The following UBAC2 variants were observed in gnomAD, a reference collection of about 807,000 sequenced individuals.
The protein encoded by UBAC2 is ubiquitin-associated domain-containing protein 2.
UBAC2 carries 26 observed loss-of-function variants against 44.0 expected under a neutral mutation model. The observed-to-expected ratio is 0.59, with a 90% CI of 0.43 to 0.82. UBAC2 has a LOEUF of 0.82. Ranked by LOEUF, UBAC2 falls within the 40% of genes least tolerant of loss-of-function variation. The pLI, the probability that UBAC2 is intolerant of heterozygous loss-of-function variation, is 0.00. For synonymous variants in UBAC2, 155 were observed against 154.3 expected (o/e 1.00, Z -0.04); for missense variants, 329 against 419.4 (o/e 0.78, Z 1.88).
intron 1 of UBAC2, among the ~76,000 whole-genome samples, chr13:99,204,274 G>A (rs1261177318): frequency 6.6e-6 from 1 of 152,194 alleles, no homozygotes. Flanking sequence ...TGGTTGTGGG[G>A]AGGCACAGTT....
Position 99,210,713 on chromosome 13 carries a change from G to A in UBAC2, c.31+9774G>A, listed in dbSNP as rs539398010. On this transcript the variant is annotated intron_variant, in intron 1 of 8. Coordinates refer to ENST00000403766, the MANE Select transcript of UBAC2 (RefSeq NM_001144072.2). ...GCTGGTCTCAAACTCCCGACCTCTG[G>A]TGATCTGCCTGCCTTGGCCTCCTAA... Among the ~76,000 whole-genome samples the A allele has an allele frequency of 9.2e-5, 14 of 152,206 alleles. No individual in the cohort carries two copies. In the South Asian group the frequency reaches 2.9e-3, roughly 32 times the overall value.
At chr13:99,217,065 G>A (rs1376139785) in intron 1 of UBAC2, among the ~76,000 whole-genome samples, 1 of 151,958 alleles carries the variant, frequency 6.6e-6, no homozygotes, top group Non-Finnish European at 1.5e-5. Context: ...ACCTGACCTT[G>A]GGTGATCTGC....
At chr13:99,259,045 C>T (rs2043617254) in intron 4 of UBAC2, among the ~76,000 whole-genome samples, 1 of 152,094 alleles carries the variant, frequency 6.6e-6, no homozygotes, top group Non-Finnish European at 1.5e-5. Flanking sequence ...AAAATTTCTG[C>T]AAATCTTAGC....
chr13:99,293,571 T>G (rs751824336), intron 4 of UBAC2, among the ~76,000 whole-genome samples: 1 of 152,158 alleles, frequency 6.6e-6, no homozygotes, highest in Non-Finnish European at 1.5e-5. Flanking sequence ...AGAGGTGGAG[T>G]GAAGGAAAGG....
intron 4 of UBAC2, among the ~76,000 whole-genome samples, chr13:99,268,611 C>CAAAAAA (rs756827927): frequency 7.9e-5 from 6 of 75,696 alleles, no homozygotes; most frequent in Non-Finnish European, 9.2e-5. Context: ...GACTCTGTCT[C>CAAAAAA]AAAAAAAAAA....
intron 1 of UBAC2, among the ~76,000 whole-genome samples, chr13:99,209,102 C>T (rs9513581): frequency 2.0e-5 from 3 of 152,214 alleles, no homozygotes; most frequent in Non-Finnish European, 4.4e-5. Flanking sequence ...ATGTGGGTCC[C>T]AGTGCTCAGC....
rs74498945 is a variant in UBAC2 at position 99,254,817 on chromosome 13, G to C, written c.389+10193G>C. On this transcript the variant is annotated intron_variant, in intron 4 of 8. Coordinates refer to ENST00000403766, the MANE Select transcript of UBAC2 (RefSeq NM_001144072.2). ...GATAGTATTATACAGAATATCCATT[G>C]ACGCCAGAGTAGTTAGTGAAGTGAA... The C allele has an allele frequency of 5.2e-4, 668 of 1,292,736 alleles. 5 individuals carry two copies. In the African/African-American group the frequency reaches 9.2e-3, roughly 18 times the overall value. The allele number at this position is 1,292,736 out of a possible 1,614,324, so 80.1% of individuals were successfully genotyped here.
At chr13:99,275,662 A>T (rs777255090) in intron 4 of UBAC2, among the ~76,000 whole-genome samples, 23 of 151,758 alleles carry the variant, frequency 1.5e-4, no homozygotes, top group Admixed American at 5.9e-4. Context: ...CCCAGGTTTT[A>T]TTTCTCTACA....
intron 1 of UBAC2, among the ~76,000 whole-genome samples, chr13:99,236,031 C>T (rs779958942): frequency 9.9e-5 from 15 of 152,100 alleles, no homozygotes; most frequent in Non-Finnish European, 2.1e-4. Context: ...ACCCATATTT[C>T]TTACTATACA....
chr13:99,244,661 ACTT>A (rs1261081133), intron 4 of UBAC2, 37 bp downstream of exon 4: 1 of 1,246,640 alleles, frequency 8.0e-7, no homozygotes, highest in Non-Finnish European at 1.2e-6. Context: ...ATTTAGAACT[ACTT>A]GAATCTGATT....
intron 4 of UBAC2, among the ~76,000 whole-genome samples, chr13:99,282,116 C>A (rs539993269): frequency 6.6e-6 from 1 of 152,336 alleles, no homozygotes; most frequent in South Asian, 2.1e-4. Context: ...GGGTGGCTGG[C>A]AGCATCACTG....
chr13:99,230,086 A>G (rs1382115439), intron 1 of UBAC2, among the ~76,000 whole-genome samples: 1 of 152,228 alleles, frequency 6.6e-6, no homozygotes, highest in Non-Finnish European at 1.5e-5. Context: ...TTTTGCCAGC[A>G]TCACTTCCTC....
chr13:99,282,314 T>G lies in UBAC2; in HGVS notation c.390-31783T>G, dbSNP rs2043964671. On this transcript the variant is annotated intron_variant, in intron 4 of 8. Coordinates refer to ENST00000403766, the MANE Select transcript of UBAC2 (RefSeq NM_001144072.2). Reference sequence around the variant, plus strand: ...CCTGGAAAGAGTTAGCCCACACCCTTGAGGAGCTCATGACCTAGGAAGCTT... The same window carrying G: ...CCTGGAAAGAGTTAGCCCACACCCTGGAGGAGCTCATGACCTAGGAAGCTT... 2.6e-5 allele frequency among the ~76,000 whole-genome samples: 4 copies of G among 152,186 alleles called. No homozygotes were observed. In the South Asian group the frequency reaches 8.3e-4, roughly 31 times the overall value.
At chr13:99,346,313 C>T (rs2138844501) in intron 7 of UBAC2, among the ~76,000 whole-genome samples, 1 of 152,304 alleles carries the variant, frequency 6.6e-6, no homozygotes, top group Middle Eastern at 3.4e-3. Context: ...CCGACTGCCT[C>T]CCTCCTGAGC....
At chr13:99,286,089 G>A (rs1414590362) in intron 4 of UBAC2, among the ~76,000 whole-genome samples, 1 of 152,202 alleles carries the variant, frequency 6.6e-6, no homozygotes, top group Non-Finnish European at 1.5e-5. Flanking sequence ...GTCTATTCCT[G>A]GAGGCGCTGG....
intron 7 of UBAC2, among the ~76,000 whole-genome samples, chr13:99,355,707 A>G (rs2045169398): frequency 6.6e-6 from 1 of 152,266 alleles, no homozygotes; most frequent in South Asian, 2.1e-4. Flanking sequence ...TCACGTTTTC[A>G]AAACAAACGA....
chr13:99,248,041 A>G (rs933672180), intron 4 of UBAC2, among the ~76,000 whole-genome samples: 2 of 152,016 alleles, frequency 1.3e-5, no homozygotes, highest in African/African-American at 4.8e-5. Context: ...AGTCCCACAC[A>G]CTACTCCCTC....
chr13:99,203,219 A>G (rs2042827812), intron 1 of UBAC2, among the ~76,000 whole-genome samples: 1 of 151,950 alleles, frequency 6.6e-6, no homozygotes, highest in Non-Finnish European at 1.5e-5. Context: ...TATTTTTAGT[A>G]GAGACGGGGT....
At chr13:99,359,180 G>A (rs751271927) in intron 7 of UBAC2, among the ~76,000 whole-genome samples, 15 of 152,216 alleles carry the variant, frequency 9.9e-5, no homozygotes, top group Non-Finnish European at 1.9e-4. Flanking sequence ...AGGAAGAGTG[G>A]TCAGTAAGAC....
Sources: allele counts gnomAD v4.1 joint callset (sites outside exome capture counted in the v4.1 genomes callset), GRCh38; gene constraint gnomAD v4.1.1; transcripts MANE v1.5; gene names NCBI Gene and HGNC (gene_info 2026-07-23, HGNC 2026-07-21).